The following ELAVL4 variants were observed in gnomAD, a reference collection of about 807,000 sequenced individuals.
The protein encoded by ELAVL4 is ELAV-like protein 4.
Under a neutral mutation model 35.6 loss-of-function variants are expected in ELAVL4, and 1 was observed. The observed-to-expected ratio is 0.03, with a 90% CI of 0.01 to 0.13. ELAVL4 has a LOEUF of 0.13. ELAVL4 is among the 10% of genes least tolerant of loss of function. ELAVL4 has a pLI of 1.00. For synonymous variants in ELAVL4, 156 were observed against 171.0 expected, an observed-to-expected ratio of 0.91 and a Z score of 0.69; for missense variants, 267 against 464.9, an observed-to-expected ratio of 0.57 and a Z score of 3.91.
intron 1 of ELAVL4, among the ~76,000 whole-genome samples, chr1:50,128,822 G>T (rs2148626532): frequency 6.6e-6 from 1 of 152,188 alleles, no homozygotes; most frequent in South Asian, 2.1e-4. Context: ...CAGGGCTTAT[G>T]GAACTTGTAG....
chr1:50,123,645 A>C (rs1335430940), intron 1 of ELAVL4, among the ~76,000 whole-genome samples: 3 of 152,086 alleles, frequency 2.0e-5, no homozygotes, highest in Non-Finnish European at 4.4e-5. Flanking sequence ...CACAAAACCC[A>C]GGAGCCCCTC....
At chr1:50,059,626 A>T (rs1003611730) in intron 1 of ELAVL4, among the ~76,000 whole-genome samples, 3 of 152,210 alleles carry the variant, frequency 2.0e-5, no homozygotes, top group African/African-American at 4.8e-5. Flanking sequence ...TACCCAAAGG[A>T]ATAGAAAACA....
upstream of ELAVL4, among the ~76,000 whole-genome samples, chr1:50,101,166 G>C (rs545739619): frequency 2.6e-5 from 4 of 152,076 alleles, no homozygotes; most frequent in African/African-American, 7.2e-5. Context: ...TTAATGAGTG[G>C]GACTATTGAT....
At chr1:50,061,878 C>T (rs985581788) in intron 1 of ELAVL4, among the ~76,000 whole-genome samples, 1 of 152,178 alleles carries the variant, frequency 6.6e-6, no homozygotes, top group African/African-American at 2.4e-5. Context: ...ACCCTCCTCG[C>T]CCCAAAATTT....
rs574245559 is a variant in ELAVL4 at position 50,162,960 on chromosome 1, A to G, written c.251-14129A>G. 7.9e-5 allele frequency among the ~76,000 whole-genome samples: 12 copies of G among 152,348 alleles called. 1 individual carries two copies. The South Asian group carries it at 2.5e-3, about 32-fold the overall frequency. ...TTACAGATGCTTAAATGCTTCCTGAATCTCTGCCAGAGATATAAGGAGATC... is the reference window on the plus strand; with the variant it reads ...TTACAGATGCTTAAATGCTTCCTGAGTCTCTGCCAGAGATATAAGGAGATC... On this transcript the variant is annotated intron_variant, in intron 2 of 6. Transcript: ENST00000371824.
intron 3 of ELAVL4, among the ~76,000 whole-genome samples, chr1:50,178,568 A>T (rs1680482900): frequency 6.6e-6 from 1 of 152,210 alleles, no homozygotes; most frequent in Non-Finnish European, 1.5e-5. Flanking sequence ...CCCAAAATGG[A>T]CCTGATTCAG....
At chr1:50,074,490 G>C (rs1048319990) in intron 1 of ELAVL4, among the ~76,000 whole-genome samples, 2 of 152,154 alleles carry the variant, frequency 1.3e-5, no homozygotes, top group Non-Finnish European at 2.9e-5. Flanking sequence ...GCAACCTTTT[G>C]TCAAATATTC....
rs566424587 is a variant in ELAVL4 at position 50,066,955 on chromosome 1, G to A, written c.18+18773G>A. Among the ~76,000 whole-genome samples the A allele has an allele frequency of 6.3e-4, 96 of 152,216 alleles. 1 individual carries two copies. The highest frequency in any genetic ancestry group is 1.0e-3 in the Non-Finnish European group (70 of 67,998). ...CATTGATGTAACATGAAACCAAATA[G>A]AACAGTGCCGAACAGCTTGAAAGAG... On this transcript the variant is annotated intron_variant, in intron 1 of 6. Transcript: ENST00000448907.
chr1:50,109,015 T>TCGGGGGGGGGGGGGCCC lies in ELAVL4; in HGVS notation c.-174_-173insGGGGGGGGGGGGGCCCC. The TCGGGGGGGGGGGGGCCC allele has an allele frequency of 1.0e-6, 1 of 961,076 alleles. No individual in the cohort carries two copies. Among genetic ancestry groups the TCGGGGGGGGGGGGGCCC allele is most frequent in the Non-Finnish European group, 1.2e-6 (1 of 816,956 alleles). The allele number at this position is 961,076 out of a possible 1,614,324, so 59.5% of individuals were successfully genotyped here. On this transcript the variant is annotated 5_prime_UTR_variant, in exon 1 of 7. Transcript: ENST00000371824. Reference sequence around the variant, plus strand: ...GCTCCTTTTCTTTTTTTTCTTTCTCTCCCCCGCCCACCCCCCCAAAAATAA... The same window carrying TCGGGGGGGGGGGGGCCC: ...GCTCCTTTTCTTTTTTTTCTTTCTCTCGGGGGGGGGGGGGCCCCCCCCGCCCACCCCCCCAAAAATAA...
intron 2 of ELAVL4, among the ~76,000 whole-genome samples, chr1:50,154,789 T>C (rs1050015733): frequency 6.6e-6 from 1 of 151,608 alleles, no homozygotes; most frequent in African/African-American, 2.4e-5. Flanking sequence ...TGTGTGTTTG[T>C]CCTGCTTCCT....
chr1:50,057,286 CTAAG>C (rs1288631583), intron 1 of ELAVL4, among the ~76,000 whole-genome samples: 3 of 151,798 alleles, frequency 2.0e-5, no homozygotes, highest in East Asian at 1.9e-4. Context: ...GTGTTTTCAG[CTAAG>C]TGTTATTATA....
In ELAVL4 at chr1:50,049,050, T is replaced by C. The variant is rs563971191; in HGVS notation, c.18+868T>C. 2.2e-3 allele frequency among the ~76,000 whole-genome samples: 341 copies of C among 152,300 alleles called. 4 individuals are homozygous for C. Among genetic ancestry groups the C allele is most frequent in the African/African-American group, 7.9e-3 (328 of 41,570 alleles). ...CAGGGAAACCGAAGGGAGGGACTTCTAGAAAACAATTCCAGGTTTGGGGGA... is the reference window on the plus strand; with the variant it reads ...CAGGGAAACCGAAGGGAGGGACTTCCAGAAAACAATTCCAGGTTTGGGGGA... On this transcript the variant is annotated intron_variant, in intron 1 of 6. Coordinates refer to the ELAVL4 transcript ENST00000448907.
chr1:50,148,452 T>G (rs1674135508), intron 2 of ELAVL4, among the ~76,000 whole-genome samples: 1 of 152,222 alleles, frequency 6.6e-6, no homozygotes, highest in South Asian at 2.1e-4. Flanking sequence ...TTTGTCTTCC[T>G]TCAGAGTAGA....
intron 1 of ELAVL4, among the ~76,000 whole-genome samples, chr1:50,111,672 A>C (rs1213275305): frequency 6.6e-6 from 1 of 152,046 alleles, no homozygotes; most frequent in Non-Finnish European, 1.5e-5. Context: ...ACTGCCTTCC[A>C]TTTGGCATTT....
At chr1:50,140,148 G>C (rs1672578917) in intron 1 of ELAVL4, among the ~76,000 whole-genome samples, 1 of 152,170 alleles carries the variant, frequency 6.6e-6, no homozygotes, top group African/African-American at 2.4e-5. Flanking sequence ...ATTCAAATGA[G>C]GAAAGGAGGG....
At chr1:50,110,508 C>T (rs984318124) in intron 1 of ELAVL4, among the ~76,000 whole-genome samples, 6 of 152,086 alleles carry the variant, frequency 3.9e-5, no homozygotes, top group Non-Finnish European at 4.4e-5. Flanking sequence ...TCATCTTTTT[C>T]TGAAAAAAGA....
rs565026128 is a variant in ELAVL4, at chr1:50,203,481, T to C, written c.*2303T>C. ...AGCTTTTTACGTCACCTGCTATGAA[T>C]GAACGTAGTTTGCTGGCAAAGTTTT... On this transcript the variant is annotated 3_prime_UTR_variant, in exon 7 of 7. Transcript: ENST00000371824. 6.8e-4 allele frequency: 104 copies of C among 152,234 alleles called. No individual in the cohort carries two copies. Among genetic ancestry groups the C allele is most frequent in the African/African-American group, 2.4e-3 (98 of 41,540 alleles). The allele number at this position is 152,234 out of a possible 1,614,324, so 9.4% of individuals were successfully genotyped here.
chr1:50,062,115 T>C (rs1205089610), intron 1 of ELAVL4, among the ~76,000 whole-genome samples: 1 of 152,170 alleles, frequency 6.6e-6, no homozygotes, highest in Non-Finnish European at 1.5e-5. Flanking sequence ...TTCATGTTCA[T>C]CCAGTTAAGT....
intron 1 of ELAVL4, among the ~76,000 whole-genome samples, chr1:50,142,293 A>G (rs868507637): frequency 5.3e-5 from 8 of 152,126 alleles, no homozygotes; most frequent in Non-Finnish European, 8.8e-5. Context: ...TCTACCTCCC[A>G]GGTTCAAGTG....
Sources: gnomAD v4.1 joint callset for allele counts (sites outside exome capture counted in the v4.1 genomes callset) on GRCh38, gnomAD v4.1.1 for gene constraint, MANE v1.5 for transcripts, NCBI Gene and HGNC (gene_info 2026-07-23, HGNC 2026-07-21) for gene names.